The following FHOD3 variants were observed in gnomAD, a reference collection of about 807,000 sequenced individuals.
The protein encoded by FHOD3 is FH1/FH2 domain-containing protein 3.
Under a neutral mutation model 173.0 loss-of-function variants are expected in FHOD3, and 90 were observed. That is an observed-to-expected ratio of 0.52 (90% CI 0.44 to 0.62). The LOEUF is 0.62. Ranked by LOEUF, FHOD3 falls within the 20% of genes least tolerant of loss-of-function variation. The probability of loss-of-function intolerance (pLI) is 0.00; values close to 1 mark genes in which losing one functional copy is unlikely to be tolerated. For synonymous variants in FHOD3, 828 were observed against 823.0 expected (o/e 1.01, Z -0.10); for missense variants, 1,945 against 2,034.7 (o/e 0.96, Z 0.85).
chr18:36,510,456 C>T (rs1448273926), intron 4 of FHOD3, among the ~76,000 whole-genome samples: 1 of 152,186 alleles, frequency 6.6e-6, no homozygotes, highest in Admixed American at 6.5e-5. Context: ...TTTTTATAAA[C>T]ACTGTCTCGC....
At chr18:36,716,908 ATGTGTATGTG>A (rs1436773688) in intron 18 of FHOD3, among the ~76,000 whole-genome samples, 66 of 135,344 alleles carry the variant, frequency 4.9e-4, no homozygotes, top group African/African-American at 1.9e-3. Context: ...GAAATTATAT[ATGTGTATGTG>A]TGTGTGTGTG....
chr18:36,366,637 A>G (rs923111326), intron 2 of FHOD3, among the ~76,000 whole-genome samples: 2 of 152,214 alleles, frequency 1.3e-5, no homozygotes, highest in Non-Finnish European at 2.9e-5. Context: ...CCGGAGATTA[A>G]TGTAGTGGCA....
At chr18:36,323,464 A>G (rs947907698) in intron 1 of FHOD3, among the ~76,000 whole-genome samples, 9 of 152,202 alleles carry the variant, frequency 5.9e-5, no homozygotes, top group Non-Finnish European at 1.3e-4. Context: ...CCCCAGGCAC[A>G]TCAGGCATCA....
In FHOD3 at chr18:36,652,825, G is replaced by C. The variant is rs943453617; in HGVS notation, c.1542G>C (p.Lys514Asn). 1 of 1,535,980 alleles carries C rather than the reference G, an allele frequency of 6.5e-7. No individual in the cohort carries two copies. Among genetic ancestry groups the C allele is most frequent in the Non-Finnish European group, 8.7e-7 (1 of 1,146,742 alleles). The change falls in exon 12 of 29, where the codon AAG becomes AAC. Residue 514 changes from lysine to asparagine, a missense_variant. Physicochemically the swap from Lys to Asn is moderately conservative, Grantham distance 94. Coordinates refer to ENST00000590592, the MANE Select transcript of FHOD3 (RefSeq NM_001281740.3). ...GSLKVSPTID[K>N]LPYVPHSPFH... ...TGAAGGTGTCACCGACCATAGACAA[G>C]CTGCCCTACGTGCCCCACAGCCCCT...
chr18:36,331,103 T>A (rs537806867), intron 1 of FHOD3, among the ~76,000 whole-genome samples: 1 of 152,286 alleles, frequency 6.6e-6, no homozygotes, highest in Middle Eastern at 3.4e-3. Flanking sequence ...GAGGTGTGTA[T>A]CCAAATCTTT....
intron 3 of FHOD3, among the ~76,000 whole-genome samples, chr18:36,375,871 T>G (rs2047417705): frequency 1.3e-5 from 2 of 152,248 alleles, no homozygotes; most frequent in African/African-American, 4.8e-5. Flanking sequence ...ACTGTAATTT[T>G]TATTTCTTTG....
At chr18:36,731,128 T>G (rs191439481) in intron 20 of FHOD3, among the ~76,000 whole-genome samples, 144 of 152,278 alleles carry the variant, frequency 9.5e-4, no homozygotes, top group Non-Finnish European at 1.9e-3. Flanking sequence ...CCACGTATGT[T>G]TAAAAAACCA....
chr18:36,361,402 C>T (rs2046606515), intron 2 of FHOD3, among the ~76,000 whole-genome samples: 1 of 152,006 alleles, frequency 6.6e-6, no homozygotes, highest in South Asian at 2.1e-4. Context: ...AAAAGCTGTC[C>T]AGGCTGGGCA....
intron 3 of FHOD3, among the ~76,000 whole-genome samples, chr18:36,379,988 G>C (rs2047655027): frequency 6.6e-6 from 1 of 152,186 alleles, no homozygotes. Context: ...TCTTTGAGGA[G>C]TGGGTGCATG....
intron 10 of FHOD3, among the ~76,000 whole-genome samples, chr18:36,639,553 C>T (rs2035144642): frequency 6.6e-6 from 1 of 152,030 alleles, no homozygotes; most frequent in African/African-American, 2.4e-5. Context: ...GTCCCACCTA[C>T]TCGGGAGGCT....
intron 6 of FHOD3, among the ~76,000 whole-genome samples, chr18:36,578,160 C>T (rs374938965): frequency 3.0e-4 from 45 of 152,234 alleles, no homozygotes; most frequent in Middle Eastern, 6.8e-3. Context: ...GTTCTCACAC[C>T]GCTAATAAAG....
At chr18:36,405,082 T>C (rs2048996693) in intron 3 of FHOD3, among the ~76,000 whole-genome samples, 1 of 152,222 alleles carries the variant, frequency 6.6e-6, no homozygotes, top group Admixed American at 6.5e-5. Context: ...TATCCATAGC[T>C]GGGGCCTTGC....
At chr18:36,335,246 A>T (rs147272659) in intron 1 of FHOD3, among the ~76,000 whole-genome samples, 2,021 of 152,294 alleles carry the variant, frequency 0.013, 35 homozygotes, top group African/African-American at 0.046. Flanking sequence ...CTGTAATCCC[A>T]GCACTTTGGG....
chr18:36,318,757 A>G (rs145561155), intron 1 of FHOD3, among the ~76,000 whole-genome samples: 4,513 of 152,180 alleles, frequency 0.03, 219 homozygotes, highest in African/African-American at 0.1. Flanking sequence ...TTCCAATACT[A>G]TGTTGAATAG....
intron 2 of FHOD3, 75 bp from the exon 3 acceptor site, chr18:36,372,605 T>G: frequency 7.8e-7 from 1 of 1,276,628 alleles, no homozygotes; most frequent in South Asian, 1.3e-5. Flanking sequence ...GTCAGAACCT[T>G]CACGTGGATT....
intron 4 of FHOD3, among the ~76,000 whole-genome samples, chr18:36,505,822 A>G (rs924028036): frequency 2.6e-5 from 4 of 152,222 alleles, no homozygotes; most frequent in African/African-American, 7.2e-5. Flanking sequence ...GACAGCTCCT[A>G]TGGGAAATAC....
intron 3 of FHOD3, among the ~76,000 whole-genome samples, chr18:36,495,326 G>A (rs908357761): frequency 4.6e-5 from 7 of 152,182 alleles, no homozygotes; most frequent in African/African-American, 1.7e-4. Flanking sequence ...TTGATGCTCT[G>A]ATTTAGAGCT....
At chr18:36,430,605 G>A (rs2050487702) in intron 3 of FHOD3, among the ~76,000 whole-genome samples, 2 of 152,194 alleles carry the variant, frequency 1.3e-5, no homozygotes, top group African/African-American at 2.4e-5. Context: ...TTACATGGTA[G>A]ATAATAAGTA....
chr18:36,349,666 A>G (rs1046368965), intron 1 of FHOD3, among the ~76,000 whole-genome samples: 2 of 152,238 alleles, frequency 1.3e-5, no homozygotes, highest in African/African-American at 2.4e-5. Flanking sequence ...AAGCTACCCC[A>G]GTAACATGCT....
Sources: allele counts gnomAD v4.1 joint callset (sites outside exome capture counted in the v4.1 genomes callset), GRCh38; gene constraint gnomAD v4.1.1; transcripts MANE v1.5; gene names NCBI Gene and HGNC (gene_info 2026-07-23, HGNC 2026-07-21).